Variants in GTF2IRD2B observed in about 807,000 individuals in gnomAD.
GTF2IRD2B encodes general transcription factor II-I repeat domain-containing protein 2B.
A neutral mutation model predicts 55.6 loss-of-function variants in GTF2IRD2B; 10 were observed. That is an observed-to-expected ratio of 0.18 (90% CI 0.11 to 0.31). GTF2IRD2B has a LOEUF of 0.31. GTF2IRD2B is among the 10% of genes least tolerant of loss of function. GTF2IRD2B has a pLI of 1.00. For synonymous variants in GTF2IRD2B, 107 were observed against 320.5 expected (o/e 0.33, Z 7.12); for missense variants, 206 against 802.7 (o/e 0.26, Z 8.98).
At chr7:75,106,111 CT>C (rs1807796127) in intron 1 of GTF2IRD2B, among the ~76,000 whole-genome samples, 1 of 152,418 alleles carries the variant, frequency 6.6e-6, no homozygotes, top group East Asian at 1.9e-4. Context: ...TCCCTTACAT[CT>C]TCAGTTTTGG....
rs1322016288 is a variant in GTF2IRD2B at position 75,149,473 on chromosome 7, T to C, written c.*176T>C. ...TCGGCTTACTGCAACTTCCAGCTCC[T>C]GGGTTCGAACGATTCTCCTGCCTCA... is the stretch of plus-strand genomic sequence containing the variant. On this transcript the variant is annotated 3_prime_UTR_variant, in exon 16 of 16. Coordinates refer to ENST00000472837, the MANE Select transcript of GTF2IRD2B (RefSeq NM_001003795.3). The C allele has an allele frequency of 1.0e-5, 6 of 591,832 alleles. No individual in the cohort carries two copies. The Admixed American group carries it at 1.8e-4, about 18-fold the overall frequency. The allele number at this position is 591,832 out of a possible 1,614,324, so 36.7% of individuals were successfully genotyped here. A position where few individuals can be genotyped will look rare whatever the true frequency, so the allele number is the denominator to read the frequency against.
At chr7:75,115,428 A>ATT (rs1238190491) in intron 3 of GTF2IRD2B, among the ~76,000 whole-genome samples, 3 of 125,506 alleles carry the variant, frequency 2.4e-5, no homozygotes, top group African/African-American at 8.8e-5. Flanking sequence ...ATTTTTTTTT[A>ATT]TTTTTTTTTT....
At chr7:75,112,071 G>A (rs1279158831) in intron 2 of GTF2IRD2B, among the ~76,000 whole-genome samples, 2 of 23,750 alleles carry the variant, frequency 8.4e-5, no homozygotes, top group South Asian at 1.5e-3. Context: ...GTGAAACCCC[G>A]TCTCTACTAA....
intron 15 of GTF2IRD2B, among the ~76,000 whole-genome samples, chr7:75,145,725 C>A (rs1809125630): frequency 1.4e-5 from 1 of 73,794 alleles, no homozygotes. Context: ...GAGCAAGACT[C>A]TGTCTCAAAA....
intron 3 of GTF2IRD2B, among the ~76,000 whole-genome samples, chr7:75,114,796 G>A (rs587626951): frequency 0.056 from 8,304 of 148,226 alleles, 240 homozygotes; most frequent in Non-Finnish European, 0.076. Flanking sequence ...CAGGTTTTTC[G>A]TTTTTGTTTT....
At chr7:75,112,663 T>G (rs1808012790) in intron 3 of GTF2IRD2B, 128 bp downstream of exon 3, 17 of 1,587,930 alleles carry the variant, frequency 1.1e-5, no homozygotes, top group Middle Eastern at 2.3e-4. Flanking sequence ...TCTTCTTGGA[T>G]TCAGCTTACC....
chr7:75,148,839 T>C lies in GTF2IRD2B; in HGVS notation c.2392T>C (p.Leu798=), dbSNP rs782679504. 7.5e-6 allele frequency: 12 copies of C among 1,608,100 alleles called. No homozygotes were observed. In the African/African-American group the frequency reaches 9.4e-5, roughly 13 times the overall value. Residue 798 remains leucine, a synonymous_variant, in exon 16 of 16, where the codon TTG becomes CTG. Transcript: ENST00000472837. The part of the protein sequence containing the change: ...LAKLCLWETH[L]TRNNLAHFPT... ...AAAACTGTGCCTCTGGGAGACTCAT[T>C]TGACGAGGAATAATCTGGCCCACTT...
At position 75,139,641 on chromosome 7, in the gene GTF2IRD2B, T is replaced by A. The variant is rs1220898935; in HGVS notation, c.949+614T>A. ...AGAGTGAGACTCTGTCTCAAAAAAA[T>A]AAATAATAATAATAATAATAATCTT... On this transcript the variant is annotated intron_variant, in intron 12 of 15. Transcript: ENST00000472837. 6.5e-4 allele frequency among the ~76,000 whole-genome samples: 75 copies of A among 114,876 alleles called. 10 individuals are homozygous for A. The highest frequency in any genetic ancestry group is 4.1e-4 in the East Asian group (2 of 4,886). 75.4% of individuals were successfully genotyped at this position (114,876 alleles called of 152,430 possible). A position where few individuals can be genotyped will look rare whatever the true frequency, so the allele number is the denominator to read the frequency against.
chr7:75,102,955 T>C (rs1807626770), intron 1 of GTF2IRD2B, among the ~76,000 whole-genome samples: 2 of 148,366 alleles, frequency 1.3e-5, no homozygotes, highest in South Asian at 4.2e-4. Context: ...TGAGACTCCA[T>C]GTCAAAAAAA....
intron 6 of GTF2IRD2B, among the ~76,000 whole-genome samples, chr7:75,124,296 A>G (rs1808483503): frequency 2.0e-5 from 3 of 152,308 alleles, no homozygotes; most frequent in Non-Finnish European, 4.4e-5. Context: ...TGAACCCGAG[A>G]TGTAGAGTTT....
rs587684600 is a variant in GTF2IRD2B, at chr7:75,148,134, T to G, written c.1687T>G (p.Leu563Val). 1 of 1,613,078 alleles carries G rather than the reference T, an allele frequency of 6.2e-7. No individual in the cohort carries two copies. Among genetic ancestry groups the G allele is most frequent in the South Asian group, 1.1e-5 (1 of 91,038 alleles). ...EITDINNTTQ[L>V]AIFIRGVDEN... Reference sequence around the variant, plus strand: ...CACGGATATAAATAATACCACCCAGTTGGCCATATTCATCCGTGGTGTCGA... The same window carrying G: ...CACGGATATAAATAATACCACCCAGGTGGCCATATTCATCCGTGGTGTCGA... Residue 563 changes from leucine (L) to valine (V), a missense_variant, in exon 16 of 16, where the codon TTG (leucine) becomes GTG (valine). Physicochemically the swap from Leu to Val is conservative, Grantham distance 32. Coordinates refer to ENST00000472837, the MANE Select transcript of GTF2IRD2B (RefSeq NM_001003795.3).
intron 3 of GTF2IRD2B, among the ~76,000 whole-genome samples, chr7:75,118,946 G>A: frequency 8.2e-6 from 1 of 121,554 alleles, no homozygotes; most frequent in South Asian, 2.8e-4. Context: ...TATAATCCAA[G>A]CACTTTGGGA....
At chr7:75,103,877 A>C (rs1273208864) in intron 1 of GTF2IRD2B, among the ~76,000 whole-genome samples, 2 of 145,116 alleles carry the variant, frequency 1.4e-5, no homozygotes, top group African/African-American at 5.0e-5. Context: ...CTAAAAATAC[A>C]AAAAATTAGC....
chr7:75,147,428 G>A (rs1237843346), intron 15 of GTF2IRD2B, among the ~76,000 whole-genome samples: 7 of 152,016 alleles, frequency 4.6e-5, no homozygotes, highest in African/African-American at 4.8e-5. Flanking sequence ...GCAAAACTCC[G>A]TCTCAAAAAC....
chr7:75,112,402 A>G lies in GTF2IRD2B; in HGVS notation c.105A>G (p.Lys35=). Residue 35 remains lysine, a synonymous_variant, in exon 3 of 16, where the codon AAA becomes AAG. Transcript: ENST00000472837. ...GCTTTTTGTTTCTGTTTCAGTGTAA[A>G]GAACTGGCCAAGTCCAAGGCAGAAG... The part of the protein sequence containing the change: ...FLVSALESMC[K]ELAKSKAEVA... 2 of 503,618 alleles carry G rather than the reference A, an allele frequency of 4.0e-6. No homozygotes were observed. Among genetic ancestry groups the G allele is most frequent in the Non-Finnish European group, 6.8e-6 (2 of 292,902 alleles). The allele number at this position is 503,618 out of a possible 1,614,324, so 31.2% of individuals were successfully genotyped here. A position where few individuals can be genotyped will look rare whatever the true frequency, so the allele number is the denominator to read the frequency against.
chr7:75,123,069 A>T, intron 4 of GTF2IRD2B, 67 bp from the exon 5 acceptor site: 2 of 1,569,520 alleles, frequency 1.3e-6, no homozygotes, highest in Non-Finnish European at 1.7e-6. Flanking sequence ...AAAAACAAAA[A>T]ACAAAAAAAA....
At chr7:75,101,767 G>A (rs1554422002) in intron 1 of GTF2IRD2B, among the ~76,000 whole-genome samples, 3 of 148,010 alleles carry the variant, frequency 2.0e-5, no homozygotes, top group Admixed American at 6.8e-5. Context: ...GGTGGTGCAC[G>A]CCTGTAATCC....
At chr7:75,112,885 C>T (rs1227519661) in intron 3 of GTF2IRD2B, among the ~76,000 whole-genome samples, 1 of 62,354 alleles carries the variant, frequency 1.6e-5, no homozygotes, top group African/African-American at 6.9e-5. Flanking sequence ...TTGTGTATTA[C>T]TGCCTATTAA....
At chr7:75,105,762 G>T (rs1362400120) in intron 1 of GTF2IRD2B, among the ~76,000 whole-genome samples, 1 of 152,306 alleles carries the variant, frequency 6.6e-6, no homozygotes, top group South Asian at 2.1e-4. Context: ...ACTGGCTAGG[G>T]TGTGCTGGGT....
Sources: allele counts gnomAD v4.1 joint callset (sites outside exome capture counted in the v4.1 genomes callset), GRCh38; gene constraint gnomAD v4.1.1; transcripts MANE v1.5; gene names NCBI Gene and HGNC (gene_info 2026-07-23, HGNC 2026-07-21).